The following PDE1C variants were observed in gnomAD, a reference collection of about 807,000 sequenced individuals.
PDE1C encodes the protein phosphodiesterase 1C, also known as dual specificity calcium/calmodulin-dependent 3',5'-cyclic nucleotide phosphodiesterase 1C.
A neutral mutation model predicts 93.1 loss-of-function variants in PDE1C; 62 were observed. That is an observed-to-expected ratio of 0.67 (90% CI 0.54 to 0.82). PDE1C has a LOEUF of 0.82. Ranked by LOEUF, PDE1C falls within the 40% of genes least tolerant of loss-of-function variation. The pLI, the probability that PDE1C is intolerant of heterozygous loss-of-function variation, is 0.00. For synonymous variants in PDE1C, 325 were observed against 310.1 expected (o/e 1.05, Z -0.50); for missense variants, 742 against 884.6 (o/e 0.84, Z 2.04).
intron 2 of PDE1C, among the ~76,000 whole-genome samples, chr7:31,925,473 C>G (rs1413385024): frequency 7.4e-4 from 1 of 1,356 alleles, no homozygotes; most frequent in Non-Finnish European, 4.6e-3. Context: ...AGGAAAAACT[C>G]TTAAAAAAAA....
chr7:32,264,449 G>A (rs886287522), intron 1 of PDE1C, among the ~76,000 whole-genome samples: 7 of 152,130 alleles, frequency 4.6e-5, no homozygotes, highest in Admixed American at 2.0e-4. Context: ...CGACTACACC[G>A]AAATGTAAAC....
At chr7:31,635,751 A>T in the PDE1C span, among the ~76,000 whole-genome samples, 3 of 152,008 alleles carry the variant, frequency 2.0e-5, no homozygotes, top group Non-Finnish European at 4.4e-5. Context: ...CAGGGAGGGG[A>T]ACACCACACA....
chr7:31,986,956 A>G (rs60197026), intron 2 of PDE1C, among the ~76,000 whole-genome samples: 5,891 of 151,314 alleles, frequency 0.039, 398 homozygotes, highest in African/African-American at 0.14. Context: ...ACACACACAC[A>G]TACACACACA....
intron 2 of PDE1C, among the ~76,000 whole-genome samples, chr7:32,188,214 T>TGC (rs1554282855): frequency 1.3e-5 from 2 of 150,612 alleles, no homozygotes; most frequent in East Asian, 3.9e-4. Flanking sequence ...TATATGAAAT[T>TGC]GGGGGGGGAT....
chr7:32,253,889 T>A (rs1311094543), intron 1 of PDE1C, among the ~76,000 whole-genome samples: 1 of 152,122 alleles, frequency 6.6e-6, no homozygotes, highest in East Asian at 1.9e-4. Flanking sequence ...AGTGACTGAT[T>A]CACTTTTAAA....
intron 3 of PDE1C, among the ~76,000 whole-genome samples, chr7:32,134,066 GA>G (rs1306622318): frequency 6.6e-6 from 1 of 151,968 alleles, no homozygotes; most frequent in Non-Finnish European, 1.5e-5. Context: ...AAGATTTGGT[GA>G]ATTTGAAAAT....
At chr7:32,425,533 T>C (rs1785509841) in intron 1 of PDE1C, among the ~76,000 whole-genome samples, 1 of 152,006 alleles carries the variant, frequency 6.6e-6, no homozygotes, top group South Asian at 2.1e-4. Context: ...AAGTTAAAGT[T>C]AAAAGTATTT....
intron 1 of PDE1C, among the ~76,000 whole-genome samples, chr7:32,057,501 G>C (rs1030197100): frequency 1.3e-5 from 2 of 152,184 alleles, no homozygotes; most frequent in African/African-American, 4.8e-5. Flanking sequence ...GGCAGATTCT[G>C]AAATAGGAGC....
At chr7:32,179,293 T>C (rs1394040145) in intron 2 of PDE1C, among the ~76,000 whole-genome samples, 2 of 139,372 alleles carry the variant, frequency 1.4e-5, no homozygotes, top group Non-Finnish European at 1.5e-5. Flanking sequence ...GGAGTCTCAC[T>C]CTGTCACCCA....
chr7:32,323,953 CT>C (rs1783351119), intron 1 of PDE1C, among the ~76,000 whole-genome samples: 2 of 152,156 alleles, frequency 1.3e-5, no homozygotes, highest in East Asian at 3.9e-4. Flanking sequence ...AGGCTGTGAG[CT>C]TCCTTCAAGG....
the PDE1C span, chr7:31,652,677 T>C: frequency 1.2e-6 from 2 of 1,613,924 alleles, no homozygotes; most frequent in Non-Finnish European, 1.7e-6. Flanking sequence ...GGAGGCTCCC[T>C]GTTCAGGTGG....
At chr7:31,701,526 A>G in the PDE1C span, among the ~76,000 whole-genome samples, 2 of 152,366 alleles carry the variant, frequency 1.3e-5, no homozygotes, top group Admixed American at 6.5e-5. Context: ...ATATTATGTA[A>G]ACTTAGTTTA....
the PDE1C span, among the ~76,000 whole-genome samples, chr7:31,733,692 G>A: frequency 6.6e-6 from 1 of 152,050 alleles, no homozygotes; most frequent in Admixed American, 6.6e-5. Flanking sequence ...TAAAACACTG[G>A]CCATTAAAAA....
chr7:32,065,485 C>A (rs73098659), intron 1 of PDE1C, among the ~76,000 whole-genome samples: 1 of 152,164 alleles, frequency 6.6e-6, no homozygotes. Context: ...TAGCTTCCTT[C>A]GCATCCCCCT....
the PDE1C span, among the ~76,000 whole-genome samples, chr7:31,733,289 G>A: frequency 6.6e-6 from 1 of 152,156 alleles, no homozygotes; most frequent in East Asian, 1.9e-4. Context: ...TATGGCTTTG[G>A]GAGGCCAATG....
At chr7:31,692,405 G>C in the PDE1C span, 1 of 1,500,436 alleles carries the variant, frequency 6.7e-7, no homozygotes. Flanking sequence ...TACTTCCTTA[G>C]TGCTGGAGAA....
chr7:32,129,246 A>T (rs1799781951), intron 3 of PDE1C, among the ~76,000 whole-genome samples: 1 of 151,750 alleles, frequency 6.6e-6, no homozygotes, highest in Admixed American at 6.6e-5. Flanking sequence ...GAAGATGCAC[A>T]TTTACTGACA....
At chr7:31,893,279 C>T (rs1007525812) in intron 2 of PDE1C, among the ~76,000 whole-genome samples, 5 of 152,172 alleles carry the variant, frequency 3.3e-5, no homozygotes, top group Admixed American at 2.6e-4. Context: ...ATGTAATTAC[C>T]ATTCAATTTC....
intron 1 of PDE1C, among the ~76,000 whole-genome samples, chr7:32,215,015 C>T (rs2128848588): frequency 7.3e-6 from 1 of 137,548 alleles, no homozygotes; most frequent in South Asian, 2.2e-4. Flanking sequence ...GTTCCTTGGT[C>T]CTGTGGCAGA....
Sources: allele counts gnomAD v4.1 joint callset (sites outside exome capture counted in the v4.1 genomes callset), GRCh38; gene constraint gnomAD v4.1.1; transcripts MANE v1.5; gene names NCBI Gene and HGNC (gene_info 2026-07-23, HGNC 2026-07-21).